PLPP1: variants seen among roughly 807,000 people sequenced by gnomAD.
The protein encoded by PLPP1 is lipid phosphate phosphohydrolase 1a.
A neutral mutation model predicts 31.2 loss-of-function variants in PLPP1; 24 were observed. The observed-to-expected ratio is 0.77, with a 90% confidence interval of 0.56 to 1.08. The LOEUF is 1.08. Among genes scored for constraint, PLPP1 ranks in the 50% least tolerant of loss-of-function variants. The pLI, the probability that PLPP1 is intolerant of heterozygous loss-of-function variation, is 0.00. For missense variants in PLPP1, 319 were observed against 342.7 expected, an observed-to-expected ratio of 0.93 and a Z score of 0.55; for synonymous variants, 146 against 126.3, an observed-to-expected ratio of 1.16 and a Z score of -1.05.
intron 3 of PLPP1, among the ~76,000 whole-genome samples, chr5:55,462,274 T>C (rs181665199): frequency 8.5e-5 from 13 of 152,334 alleles, no homozygotes; most frequent in Admixed American, 5.9e-4. Flanking sequence ...AGCTGCAGTA[T>C]GGTATTCGCA....
chr5:55,459,415 A>C (rs1752103072), intron 3 of PLPP1, among the ~76,000 whole-genome samples: 1 of 152,218 alleles, frequency 6.6e-6, no homozygotes, highest in African/African-American at 2.4e-5. Context: ...AAGATATATA[A>C]GATTTGAGTA....
intron 1 of PLPP1, chr5:55,530,359 T>C: frequency 1.5e-6 from 2 of 1,354,918 alleles, no homozygotes; most frequent in Non-Finnish European, 2.1e-6. Context: ...AATAAGTGAT[T>C]ACTGTTAGAG....
At chr5:55,479,114 T>C (rs1752619666) in intron 1 of PLPP1, among the ~76,000 whole-genome samples, 1 of 151,510 alleles carries the variant, frequency 6.6e-6, no homozygotes, top group African/African-American at 2.4e-5. Context: ...AACCTCCACC[T>C]TCCGGGTTCA....
chr5:55,453,049 G>A (rs1204460324), intron 3 of PLPP1, among the ~76,000 whole-genome samples: 1 of 152,016 alleles, frequency 6.6e-6, no homozygotes, highest in Non-Finnish European at 1.5e-5. Flanking sequence ...TTTTGCTAAA[G>A]TAGAATCTAA....
chr5:55,428,896 T>C (rs966457701), intron 4 of PLPP1, among the ~76,000 whole-genome samples: 3 of 152,220 alleles, frequency 2.0e-5, no homozygotes, highest in South Asian at 2.1e-4. Context: ...CAATACAGTG[T>C]GTGGTACCAG....
intron 1 of PLPP1, among the ~76,000 whole-genome samples, chr5:55,497,353 C>T (rs1753024922): frequency 6.6e-6 from 1 of 151,732 alleles, no homozygotes; most frequent in African/African-American, 2.4e-5. Flanking sequence ...TCAGGCAATC[C>T]TCTCACCTCA....
intron 1 of PLPP1, among the ~76,000 whole-genome samples, chr5:55,490,646 C>T (rs1752870259): frequency 6.6e-6 from 1 of 152,064 alleles, no homozygotes; most frequent in Admixed American, 6.6e-5. Flanking sequence ...TGGGCTTTAA[C>T]AAGTGTCTGG....
At chr5:55,491,177 A>G in intron 1 of PLPP1, 1 of 1,537,836 alleles carries the variant, frequency 6.5e-7, no homozygotes, top group African/African-American at 1.4e-5. Context: ...TAGGAAGTAA[A>G]GTCTACTGAA....
chr5:55,438,526 G>A (rs1751546786), intron 4 of PLPP1, among the ~76,000 whole-genome samples: 1 of 152,200 alleles, frequency 6.6e-6, no homozygotes, highest in Non-Finnish European at 1.5e-5. Flanking sequence ...CCAAATCTGA[G>A]ACTGACTCAT....
chr5:55,515,235 T>C (rs1753530758), intron 1 of PLPP1, among the ~76,000 whole-genome samples: 1 of 152,200 alleles, frequency 6.6e-6, no homozygotes, highest in Non-Finnish European at 1.5e-5. Flanking sequence ...CCTATACCAT[T>C]GTTCTAAAAA....
At chr5:55,465,677 A>G (rs1286826296) in intron 3 of PLPP1, among the ~76,000 whole-genome samples, 3 of 152,172 alleles carry the variant, frequency 2.0e-5, no homozygotes, top group Non-Finnish European at 4.4e-5. Flanking sequence ...TTTGTTTTAC[A>G]TGGTATGTTT....
chr5:55,515,042 T>C (rs1753526514), intron 1 of PLPP1, among the ~76,000 whole-genome samples: 1 of 152,250 alleles, frequency 6.6e-6, no homozygotes, highest in Admixed American at 6.5e-5. Context: ...CGCTCCATTA[T>C]ACAAATGAAG....
chr5:55,517,942 G>C (rs1009930802), intron 1 of PLPP1, among the ~76,000 whole-genome samples: 1 of 152,218 alleles, frequency 6.6e-6, no homozygotes, highest in Non-Finnish European at 1.5e-5. Context: ...CTGCCTCCCA[G>C]TACAAGTCAT....
chr5:55,484,374 A>AT (rs1216419572), intron 1 of PLPP1: 2 of 152,154 alleles, frequency 1.3e-5, no homozygotes, highest in African/African-American at 4.8e-5. Flanking sequence ...AATAGTCTTG[A>AT]GTAAAGTTTT....
intron 4 of PLPP1, among the ~76,000 whole-genome samples, chr5:55,433,294 C>G (rs900456534): frequency 6.7e-6 from 1 of 148,400 alleles, no homozygotes; most frequent in Non-Finnish European, 1.5e-5. Context: ...TCACTGCACT[C>G]CAGCCTGGGT....
rs59666449 is a variant in PLPP1 at position 55,437,466 on chromosome 5, T to TG, written c.549+4384_549+4385insC. ...TTTTAAGGAGTTTTTTTTGTTTGTT[T>TG]TTTCAAAAAAGAATATGTGACCTAC... On this transcript the variant is annotated intron_variant, in intron 4 of 5. Transcript: ENST00000307259. 8.4e-4 allele frequency among the ~76,000 whole-genome samples: 126 copies of TG among 149,746 alleles called. 1 individual carries two copies. Among genetic ancestry groups the TG allele is most frequent in the Admixed American group, 8.0e-3 (120 of 14,966 alleles).
chr5:55,425,373 G>C (rs758396057), intron 5 of PLPP1, 39 bp from the exon 6 acceptor site: 3 of 1,521,122 alleles, frequency 2.0e-6, no homozygotes, highest in East Asian at 2.3e-5. Context: ...TTTAGATCAA[G>C]TTAAAAACTA....
At chr5:55,522,718 TTTG>T (rs1261716463) in intron 1 of PLPP1, among the ~76,000 whole-genome samples, 1 of 151,628 alleles carries the variant, frequency 6.6e-6, no homozygotes, top group African/African-American at 2.4e-5. Flanking sequence ...TTTGTTTTGT[TTTG>T]TTTTGTTTTG....
chr5:55,437,098 T>C (rs1172656280), intron 4 of PLPP1, among the ~76,000 whole-genome samples: 3 of 152,202 alleles, frequency 2.0e-5, no homozygotes, highest in African/African-American at 4.8e-5. Context: ...ACTGAGAAAT[T>C]TGTTTTTTAT....
Sources: allele counts gnomAD v4.1 joint callset (sites outside exome capture counted in the v4.1 genomes callset), GRCh38; gene constraint gnomAD v4.1.1; transcripts MANE v1.5; gene names NCBI Gene and HGNC (gene_info 2026-07-23, HGNC 2026-07-21).